Variants in LHFPL6 observed in about 807,000 individuals in gnomAD.
LHFPL6 encodes the protein LHFPL tetraspan subfamily member 6 protein.
A neutral mutation model predicts 20.6 loss-of-function variants in LHFPL6; 9 were observed. The observed-to-expected ratio is 0.44, with a 90% CI of 0.26 to 0.76. LHFPL6 has a LOEUF of 0.76. LHFPL6 is among the 30% of genes least tolerant of loss of function. The probability of loss-of-function intolerance (pLI) is 0.20; values close to 1 mark genes in which losing one functional copy is unlikely to be tolerated. For synonymous variants in LHFPL6, 105 were observed against 98.7 expected (o/e 1.06, Z -0.38); for missense variants, 218 against 253.5 (o/e 0.86, Z 0.95).
At chr13:39,507,520 A>G (rs953038852) in intron 2 of LHFPL6, among the ~76,000 whole-genome samples, 1 of 152,072 alleles carries the variant, frequency 6.6e-6, no homozygotes, top group Admixed American at 6.5e-5. Flanking sequence ...CTGCTTGTCA[A>G]ATACCATCAG....
chr13:39,387,172 A>G (rs939355366), intron 2 of LHFPL6, among the ~76,000 whole-genome samples: 3 of 152,186 alleles, frequency 2.0e-5, no homozygotes, highest in African/African-American at 7.2e-5. Flanking sequence ...AAATATAGTA[A>G]TATTATTTAG....
At chr13:39,496,724 T>C (rs1041697564) in intron 2 of LHFPL6, among the ~76,000 whole-genome samples, 1 of 152,210 alleles carries the variant, frequency 6.6e-6, no homozygotes, top group African/African-American at 2.4e-5. Context: ...AAATCTGTTA[T>C]TAGTGAAAAG....
At chr13:39,509,847 C>A (rs954996400) in intron 2 of LHFPL6, among the ~76,000 whole-genome samples, 1 of 152,124 alleles carries the variant, frequency 6.6e-6, no homozygotes. Flanking sequence ...GTAGTCCCAG[C>A]TACTTGGGAG....
chr13:39,480,026 T>C (rs1361632420), intron 2 of LHFPL6, among the ~76,000 whole-genome samples: 1 of 152,214 alleles, frequency 6.6e-6, no homozygotes, highest in Admixed American at 6.5e-5. Context: ...TGTTGGAAAC[T>C]CTGCAAACAA....
intron 2 of LHFPL6, among the ~76,000 whole-genome samples, chr13:39,545,038 C>T (rs113347999): frequency 0.014 from 2,127 of 151,548 alleles, 54 homozygotes; most frequent in African/African-American, 0.049. Context: ...GTCAGGAGAT[C>T]GAGACCATCC....
At chr13:39,459,231 TGTGTGTGTG>T in intron 2 of LHFPL6, among the ~76,000 whole-genome samples, 1 of 151,138 alleles carries the variant, frequency 6.6e-6, no homozygotes, top group African/African-American at 2.4e-5. Flanking sequence ...TGTGTGTGTG[TGTGTGTGTG>T]TTCGTGTGTA....
intron 2 of LHFPL6, among the ~76,000 whole-genome samples, chr13:39,477,199 G>A (rs1184646084): frequency 6.6e-6 from 1 of 151,824 alleles, no homozygotes; most frequent in Non-Finnish European, 1.5e-5. Context: ...TGCTCTTCAT[G>A]CCCAGACTCC....
rs1869308636 is a variant in LHFPL6 at position 39,343,606 on chromosome 13, TGTGTGTG to T, written c.*323_*329del. The T allele has an allele frequency of 4.1e-5, 1 of 24,176 alleles. No individual in the cohort carries two copies. Among genetic ancestry groups the T allele is most frequent in the African/African-American group, 1.8e-4 (1 of 5,514 alleles). The allele number at this position is 24,176 out of a possible 1,614,324, so 1.5% of individuals were successfully genotyped here. ...CTTGTTTGTATATGTAGATTTGTTG[TGTGTGTG>T]TGTGTGTGTGTGTGTGTGTGTGTGT... On this transcript the variant is annotated 3_prime_UTR_variant, in exon 4 of 4. Coordinates refer to ENST00000379589, the MANE Select transcript of LHFPL6 (RefSeq NM_005780.3).
chr13:39,523,580 C>A (rs1372426269), intron 2 of LHFPL6, among the ~76,000 whole-genome samples: 1 of 148,940 alleles, frequency 6.7e-6, no homozygotes, highest in Non-Finnish European at 1.5e-5. Flanking sequence ...GTAGTGTAGG[C>A]TTAAGCCCAA....
At chr13:39,517,969 C>T (rs1350780262) in intron 2 of LHFPL6, among the ~76,000 whole-genome samples, 1 of 152,220 alleles carries the variant, frequency 6.6e-6, no homozygotes, top group Non-Finnish European at 1.5e-5. Flanking sequence ...GCCATCTTCT[C>T]TAGCTCAGAC....
intron 2 of LHFPL6, among the ~76,000 whole-genome samples, chr13:39,442,535 G>A (rs768633768): frequency 1.3e-4 from 20 of 152,194 alleles, no homozygotes; most frequent in Non-Finnish European, 1.9e-4. Flanking sequence ...GGGAAGGCAT[G>A]AAAGAAGAAG....
At chr13:39,598,595 G>A (rs61956470) in intron 2 of LHFPL6, among the ~76,000 whole-genome samples, 16,846 of 151,528 alleles carry the variant, frequency 0.11, 1,066 homozygotes, top group Admixed American at 0.18. Flanking sequence ...TTGCTCTGTC[G>A]CCCAGGCTGG....
Position 39,562,393 on chromosome 13 carries a change from T to TATACATATATAC in LHFPL6, c.385+38438_385+38439insGTATATATGTAT, listed in dbSNP as rs1453410529. 1.2e-4 allele frequency among the ~76,000 whole-genome samples: 11 copies of TATACATATATAC among 90,406 alleles called. 1 individual carries two copies. In the East Asian group the frequency reaches 2.3e-3, roughly 19 times the overall value. 59.3% of individuals were successfully genotyped at this position (90,406 alleles called of 152,430 possible). A position where few individuals can be genotyped will look rare whatever the true frequency, so the allele number is the denominator to read the frequency against. The stretch of plus-strand genomic sequence containing the variant: ...ATATATACATATATACATATACATA[T>TATACATATATAC]ATATACATATATACACATATACACA... On this transcript the variant is annotated intron_variant, in intron 2 of 3. Coordinates refer to ENST00000379589, the MANE Select transcript of LHFPL6 (RefSeq NM_005780.3).
rs539222955 is a variant in LHFPL6, at chr13:39,430,562, T to C, written c.386-52036A>G. Among the ~76,000 whole-genome samples, 8 of 152,336 alleles carry C rather than the reference T, an allele frequency of 5.3e-5. No individual in the cohort carries two copies. The East Asian group carries it at 1.5e-3, about 29-fold the overall frequency. On this transcript the variant is annotated intron_variant, in intron 2 of 3. Coordinates refer to ENST00000379589, the MANE Select transcript of LHFPL6 (RefSeq NM_005780.3). Reference sequence around the variant, plus strand: ...CTGAGACATCATTTACATGCTGACATTGAGAGGTGAAGCCAGCTAGACTTC... The same window carrying C: ...CTGAGACATCATTTACATGCTGACACTGAGAGGTGAAGCCAGCTAGACTTC...
At position 39,545,114 on chromosome 13, in the gene LHFPL6, C is replaced by T. The variant is rs540445226; in HGVS notation, c.385+55718G>A. ...AAAAGAAATTAGCTGGGCGTGGGGA[C>T]GGGCGCCTGTAGTCCCAGCTACTCG... On this transcript the variant is annotated intron_variant, in intron 2 of 3. Transcript: ENST00000379589. Among the ~76,000 whole-genome samples, 5 of 151,762 alleles carry T rather than the reference C, an allele frequency of 3.3e-5. No individual in the cohort carries two copies. In the South Asian group the frequency reaches 6.3e-4, roughly 19 times the overall value.
At chr13:39,585,696 G>A (rs1004512948) in intron 2 of LHFPL6, among the ~76,000 whole-genome samples, 15 of 152,028 alleles carry the variant, frequency 9.9e-5, no homozygotes, top group Non-Finnish European at 2.1e-4. Flanking sequence ...CCTCACTTCC[G>A]TTTCTGTCTA....
At chr13:39,587,964 C>T (rs1057160152) in intron 2 of LHFPL6, among the ~76,000 whole-genome samples, 2 of 151,954 alleles carry the variant, frequency 1.3e-5, no homozygotes, top group African/African-American at 2.4e-5. Context: ...CTGGATTCTC[C>T]CAGTCTCCTT....
intron 2 of LHFPL6, among the ~76,000 whole-genome samples, chr13:39,498,338 C>T (rs777681988): frequency 3.9e-5 from 6 of 152,202 alleles, no homozygotes; most frequent in Non-Finnish European, 8.8e-5. Flanking sequence ...TTACCAAGCA[C>T]CTACTCTGTA....
At chr13:39,602,155 G>C (rs956959994) in intron 1 of LHFPL6, among the ~76,000 whole-genome samples, 8 of 152,106 alleles carry the variant, frequency 5.3e-5, no homozygotes, top group Non-Finnish European at 1.2e-4. Context: ...TCAAACCCCA[G>C]TCATCCAAAT....
Sources: allele counts gnomAD v4.1 joint callset (sites outside exome capture counted in the v4.1 genomes callset), GRCh38; gene constraint gnomAD v4.1.1; transcripts MANE v1.5; gene names NCBI Gene and HGNC (gene_info 2026-07-23, HGNC 2026-07-21).